Variants in PTMA observed in about 807,000 individuals in gnomAD.
PTMA encodes the protein gene sequence 28.
PTMA carries 4 observed loss-of-function variants against 16.9 expected under a neutral mutation model. That is an observed-to-expected ratio of 0.24 (90% CI 0.12 to 0.54). PTMA has a LOEUF of 0.54. PTMA is among the 20% of genes least tolerant of loss of function. The pLI is 0.95. For synonymous variants in PTMA, 58 were observed against 47.9 expected (o/e 1.21, Z -0.87); for missense variants, 120 against 137.7 (o/e 0.87, Z 0.64).
At chr2:231,711,858 G>C in intron 2 of PTMA, 32 bp from the exon 3 acceptor site, 1 of 1,610,914 alleles carries the variant, frequency 6.2e-7, no homozygotes, top group South Asian at 1.1e-5. Flanking sequence ...GGGGCCAGCT[G>C]GTAATGACAT....
Position 231,712,923 on chromosome 2 carries a change from T to C in PTMA, c.*72T>C. 6.8e-7 allele frequency: 1 copy of C among 1,477,702 alleles called. No homozygotes were observed. The highest frequency in any genetic ancestry group is 9.1e-7 in the Non-Finnish European group (1 of 1,097,092). The allele number at this position is 1,477,702 out of a possible 1,614,324, so 91.5% of individuals were successfully genotyped here. A position where few individuals can be genotyped will look rare whatever the true frequency, so the allele number is the denominator to read the frequency against. ...ACCTATTCACCCTCCACTTCCCGTC[T>C]CAGAATCTAAACGTGGTCACCTTCG... On this transcript the variant is annotated 3_prime_UTR_variant, in exon 5 of 5. Transcript: ENST00000409115.
chr2:231,708,913 G>C (rs950614694), intron 1 of PTMA, among the ~76,000 whole-genome samples, 162 bp downstream of exon 1: 1 of 152,210 alleles, frequency 6.6e-6, no homozygotes, highest in Non-Finnish European at 1.5e-5. Context: ...TCTTTGTGTG[G>C]TGCGGGGGAG....
At chr2:231,711,759 T>TG in intron 2 of PTMA, 131 bp from the exon 3 acceptor site, 1 of 1,494,634 alleles carries the variant, frequency 6.7e-7, no homozygotes, top group African/African-American at 1.4e-5. Flanking sequence ...GAAGGGTCTC[T>TG]GGGGTGGGCT....
In PTMA at chr2:231,711,433, T is replaced by C. The variant is rs1473699747; in HGVS notation, c.117+14T>C. ...AACGGGAATGCTGTGAGTGTCTGCT[T>C]TGCTCCTGAGCCCTGGCAGCTACCG... On this transcript the variant is annotated intron_variant, in intron 2 of 4. Coordinates refer to ENST00000409115, the MANE Select transcript of PTMA (RefSeq NM_002823.5). 2.5e-6 allele frequency: 4 copies of C among 1,613,786 alleles called. No homozygotes were observed. The highest frequency in any genetic ancestry group is 1.6e-4 in the Middle Eastern group (1 of 6,062).
In PTMA at chr2:231,708,682, C is replaced by T. The variant is rs763990734; in HGVS notation, c.-25C>T. The T allele has an allele frequency of 2.5e-6, 4 of 1,601,370 alleles. No individual in the cohort carries two copies. The highest frequency in any genetic ancestry group is 1.7e-5 in the Admixed American group (1 of 59,986). Reference sequence around the variant, plus strand: ...CTCTCGCTTTCTTTTTAATCCCCTGCATCGGATCACCGGCGTGCCCCACCA... The same window carrying T: ...CTCTCGCTTTCTTTTTAATCCCCTGTATCGGATCACCGGCGTGCCCCACCA... On this transcript the variant is annotated 5_prime_UTR_variant, in exon 1 of 5. Transcript: ENST00000409115.
chr2:231,712,602 C>G (rs756822518), intron 4 of PTMA, 86 bp downstream of exon 4: 17 of 1,456,016 alleles, frequency 1.2e-5, no homozygotes, highest in Non-Finnish European at 1.6e-5. Context: ...TGCGGAGGGA[C>G]TGTTTCTGAC....
intron 1 of PTMA, chr2:231,711,055 G>A (rs1185498943): frequency 3.2e-6 from 1 of 313,786 alleles, no homozygotes; most frequent in African/African-American, 2.2e-5. Flanking sequence ...GGGCTGTGGC[G>A]CCACATGGCT....
At chr2:231,710,858 C>T (rs1289484721) in intron 1 of PTMA, among the ~76,000 whole-genome samples, 1 of 152,220 alleles carries the variant, frequency 6.6e-6, no homozygotes, top group East Asian at 1.9e-4. Flanking sequence ...TGCGGCCTCG[C>T]GGGCCTTCCA....
intron 1 of PTMA, among the ~76,000 whole-genome samples, chr2:231,710,895 C>T (rs1353017114): frequency 6.6e-6 from 1 of 152,194 alleles, no homozygotes; most frequent in Non-Finnish European, 1.5e-5. Context: ...GGGCTCTCCC[C>T]GAGCGCAGGC....
At chr2:231,712,272 C>G (rs1450811968) in intron 3 of PTMA, among the ~76,000 whole-genome samples, 171 bp from the exon 4 acceptor site, 1 of 152,144 alleles carries the variant, frequency 6.6e-6, no homozygotes, top group Non-Finnish European at 1.5e-5. Context: ...TTGGGCCTCT[C>G]TCCTCTGGAG....
chr2:231,708,538 C>T lies in PTMA; in HGVS notation c.-169C>T, dbSNP rs1229387747. On this transcript the variant is annotated 5_prime_UTR_variant, in exon 1 of 5. Transcript: ENST00000409115. ...CGCCGCGTGAGTCCCCCACTGGCTG[C>T]TCTGAAAAGCCATCTTTGCATTGTT... 11 of 766,952 alleles carry T rather than the reference C, an allele frequency of 1.4e-5. No individual in the cohort carries two copies. In the East Asian group the frequency reaches 1.9e-4, roughly 13 times the overall value. 47.5% of individuals were successfully genotyped at this position (766,952 alleles called of 1,614,324 possible). A position where few individuals can be genotyped will look rare whatever the true frequency, so the allele number is the denominator to read the frequency against.
chr2:231,711,656 G>C (rs1435760841), intron 2 of PTMA: 8 of 792,382 alleles, frequency 1.0e-5, no homozygotes, highest in Non-Finnish European at 1.6e-5. Context: ...CCGGTAGTCT[G>C]AGTTTGGGCT....
Position 231,711,967 on chromosome 2 carries a change from GGAA to G in PTMA, c.203_205del (p.Glu68del), listed in dbSNP as rs762916770. 2.3e-5 allele frequency: 37 copies of G among 1,577,686 alleles called. No individual in the cohort carries two copies. The highest frequency in any genetic ancestry group is 1.2e-4 in the East Asian group (5 of 42,768). ...AAGAAGGTGGGGAGGAAGAGGAGGA[GGAA>G]GAAGAAGGTGATGGTGAGTAGCCTT... On this transcript the variant is annotated inframe_deletion, in exon 3 of 5. Transcript: ENST00000409115.
chr2:231,710,168 TGGCCCGCCGAATGCAGACATTCG>T, intron 1 of PTMA: 2 of 1,281,942 alleles, frequency 1.6e-6, no homozygotes, highest in Non-Finnish European at 2.0e-6. Flanking sequence ...CCGTGGGACT[TGGCCCGCCGAATGCAGACATTCG>T]GGCCTGCCGG....
chr2:231,708,869 C>G, intron 1 of PTMA, 118 bp downstream of exon 1: 1 of 1,267,620 alleles, frequency 7.9e-7, no homozygotes, highest in Non-Finnish European at 1.1e-6. Flanking sequence ...GGGGAAACGG[C>G]CCGCCCCCGG....
intron 1 of PTMA, chr2:231,710,670 C>A: frequency 2.3e-6 from 1 of 433,226 alleles, no homozygotes; most frequent in Non-Finnish European, 4.8e-6. Flanking sequence ...GGAGTCCCAC[C>A]CCCGAGGTGC....
At chr2:231,711,064 C>T (rs990096452) in intron 1 of PTMA, 1 of 321,710 alleles carries the variant, frequency 3.1e-6, no homozygotes. Context: ...CGCCACATGG[C>T]TCCTTTTTCC....
chr2:231,712,291 C>T (rs2048528567), intron 3 of PTMA, 152 bp from the exon 4 acceptor site: 2 of 870,906 alleles, frequency 2.3e-6, no homozygotes, highest in Non-Finnish European at 3.6e-6. Flanking sequence ...AGAGTCCCAC[C>T]TGTGTAGTGG....
In PTMA at chr2:231,711,327, G is replaced by A. The variant is rs1359981749; in HGVS notation, c.46-21G>A. ...TGCTCAGAAGACTTACTGGTTACTG[G>A]TTCCTTCTTCCCTTTTGAAGGACTT... On this transcript the variant is annotated intron_variant, in intron 1 of 4. Transcript: ENST00000409115. The A allele has an allele frequency of 3.7e-6, 6 of 1,608,636 alleles. No homozygotes were observed. The South Asian group carries it at 5.5e-5, about 15-fold the overall frequency.
Sources: allele counts gnomAD v4.1 joint callset (sites outside exome capture counted in the v4.1 genomes callset), GRCh38; gene constraint gnomAD v4.1.1; transcripts MANE v1.5; gene names NCBI Gene and HGNC (gene_info 2026-07-23, HGNC 2026-07-21).